ADAMTSL3: variants seen among roughly 807,000 people sequenced by gnomAD.
ADAMTSL3 encodes ADAMTS like 3.
In ADAMTSL3, 128 loss-of-function variants were observed where a neutral mutation model predicts 201.7. The observed-to-expected ratio is 0.63, with a 90% CI of 0.55 to 0.73. The LOEUF (loss-of-function observed/expected upper bound fraction) is 0.73. Among genes scored for constraint, ADAMTSL3 ranks in the 30% least tolerant of loss-of-function variants. ADAMTSL3 has a pLI of 0.00. For missense variants in ADAMTSL3, 1,990 were observed against 2,119.6 expected (o/e 0.94, Z 1.20); for synonymous variants, 738 against 748.4 (o/e 0.99, Z 0.23).
intron 7 of ADAMTSL3, among the ~76,000 whole-genome samples, chr15:83,847,960 A>C (rs925470848): frequency 6.6e-6 from 1 of 151,316 alleles, no homozygotes; most frequent in African/African-American, 2.4e-5. Flanking sequence ...GCAATTTTCT[A>C]TAGGGTTCAA....
rs748275978 is a variant in ADAMTSL3 at position 83,923,952 on chromosome 15, C to A, written c.2036C>A (p.Thr679Lys). 5 of 1,614,168 alleles carry A rather than the reference C, an allele frequency of 3.1e-6. No homozygotes were observed. Among genetic ancestry groups the A allele is most frequent in the Non-Finnish European group, 4.2e-6 (5 of 1,179,998 alleles). Residue 679 changes from threonine to lysine, a missense_variant, in exon 17 of 30, where the codon ACA (threonine) becomes AAA (lysine). Thr to Lys is a moderately conservative substitution (Grantham distance 78, BLOSUM62 -1). Coordinates refer to ENST00000286744, the MANE Select transcript of ADAMTSL3 (RefSeq NM_207517.3). The stretch of plus-strand genomic sequence containing the variant: ...TGCTTACATATCCAGACCCAGCAGA[C>A]AGTCAATGACAGCTTGTGTGATATG... Reference protein sequence around the residue: ...AVCLHIQTQQTVNDSLCDMVH... With the variant: ...AVCLHIQTQQKVNDSLCDMVH...
At chr15:83,771,658 A>G (rs988596073) in intron 3 of ADAMTSL3, among the ~76,000 whole-genome samples, 1 of 152,218 alleles carries the variant, frequency 6.6e-6, no homozygotes, top group African/African-American at 2.4e-5. Context: ...CGTTGTGTGT[A>G]TACCACATGT....
chr15:83,773,294 G>A (rs2063014870), intron 3 of ADAMTSL3, among the ~76,000 whole-genome samples: 1 of 151,874 alleles, frequency 6.6e-6, no homozygotes, highest in Non-Finnish European at 1.5e-5. Context: ...TGTAATCCCA[G>A]CTACTCAGGA....
At chr15:83,678,780 A>AATATATATATATAATATATTATATTAAT (rs1410590624) in intron 2 of ADAMTSL3, among the ~76,000 whole-genome samples, 2 of 105,592 alleles carry the variant, frequency 1.9e-5, no homozygotes, top group East Asian at 5.2e-4. Flanking sequence ...ATATAACATT[A>AATATATATATATAATATATTATATTAAT]ATATATATGT....
chr15:83,765,454 A>G (rs1165484857), intron 3 of ADAMTSL3, among the ~76,000 whole-genome samples: 1 of 152,158 alleles, frequency 6.6e-6, no homozygotes, highest in South Asian at 2.1e-4. Context: ...AGCATTTCCA[A>G]TAAGTGACCT....
At chr15:83,877,205 C>T (rs1192419729) in intron 9 of ADAMTSL3, among the ~76,000 whole-genome samples, 1 of 152,186 alleles carries the variant, frequency 6.6e-6, no homozygotes, top group Non-Finnish European at 1.5e-5. Flanking sequence ...CTCCCAAAGT[C>T]CTGGGAATAC....
intron 25 of ADAMTSL3, among the ~76,000 whole-genome samples, chr15:84,020,645 T>C (rs1475340056): frequency 1.3e-5 from 2 of 152,220 alleles, no homozygotes; most frequent in Non-Finnish European, 2.9e-5. Context: ...TAATTACTTG[T>C]AATTATTACA....
At chr15:83,779,499 C>T (rs180958729) in intron 4 of ADAMTSL3, among the ~76,000 whole-genome samples, 124 of 152,024 alleles carry the variant, frequency 8.2e-4, no homozygotes, top group African/African-American at 2.9e-3. Context: ...GAGATCGAGA[C>T]CATCCTGGCT....
intron 19 of ADAMTSL3, among the ~76,000 whole-genome samples, chr15:83,946,257 G>A (rs1431958635): frequency 2.0e-5 from 3 of 152,174 alleles, no homozygotes; most frequent in Admixed American, 6.5e-5. Context: ...CTCCGTGTCC[G>A]CTCTCTCAGT....
At chr15:83,733,509 G>C (rs1181802770) in intron 3 of ADAMTSL3, among the ~76,000 whole-genome samples, 1 of 152,114 alleles carries the variant, frequency 6.6e-6, no homozygotes, top group Admixed American at 6.6e-5. Context: ...TGGCATTTTT[G>C]TGGGCTGTGT....
chr15:83,892,120 G>A (rs1445330779), intron 12 of ADAMTSL3, among the ~76,000 whole-genome samples: 1 of 152,098 alleles, frequency 6.6e-6, no homozygotes, highest in Non-Finnish European at 1.5e-5. Flanking sequence ...AGAGGCTGAA[G>A]CAGGAGAATA....
intron 5 of ADAMTSL3, among the ~76,000 whole-genome samples, chr15:83,808,105 C>T (rs2063630084): frequency 6.6e-6 from 1 of 152,172 alleles, no homozygotes; most frequent in East Asian, 1.9e-4. Flanking sequence ...ACCTCAAAAG[C>T]ACAGACAATA....
At chr15:83,910,635 C>T (rs1353277452) in intron 15 of ADAMTSL3, among the ~76,000 whole-genome samples, 2 of 131,162 alleles carry the variant, frequency 1.5e-5, no homozygotes, top group Non-Finnish European at 1.6e-5. Flanking sequence ...TTAGGTGAAC[C>T]TTTTTTTTTT....
chr15:83,912,503 A>G (rs1411793451), intron 15 of ADAMTSL3, among the ~76,000 whole-genome samples: 1 of 152,208 alleles, frequency 6.6e-6, no homozygotes, highest in Non-Finnish European at 1.5e-5. Flanking sequence ...AATAAGAATT[A>G]AATGCTTTGT....
intron 20 of ADAMTSL3, among the ~76,000 whole-genome samples, chr15:83,971,882 AT>A (rs1433814082): frequency 6.7e-6 from 1 of 148,518 alleles, no homozygotes; most frequent in Admixed American, 6.7e-5. Flanking sequence ...ACATATATAT[AT>A]ATATGTCTTT....
intron 15 of ADAMTSL3, among the ~76,000 whole-genome samples, chr15:83,904,573 T>G (rs898784063): frequency 2.0e-5 from 3 of 152,224 alleles, no homozygotes; most frequent in Admixed American, 6.5e-5. Context: ...CTTTTTTGCT[T>G]TTTTTAAAAT....
In ADAMTSL3 at chr15:84,014,684, T is replaced by C; in HGVS notation, c.4116T>C (p.Ala1372=). The change falls in exon 24 of 30, where the codon GCT becomes GCC. Residue 1372 remains alanine, a synonymous_variant. Coordinates refer to ENST00000286744, the MANE Select transcript of ADAMTSL3 (RefSeq NM_207517.3). The stretch of plus-strand genomic sequence containing the variant: ...CCTACGTCTGCATAGCCACCAATGC[T>C]CTTGGAAAGGCAGTGGCAACATCTG... ...EGTYVCIATN[A]LGKAVATSVL... 1 of 1,610,008 alleles carries C rather than the reference T, an allele frequency of 6.2e-7. No homozygotes were observed.
intron 6 of ADAMTSL3, 38 bp from the exon 7 acceptor site, chr15:83,838,051 G>A: frequency 6.3e-7 from 1 of 1,589,054 alleles, no homozygotes; most frequent in Admixed American, 1.9e-5. Flanking sequence ...CCCTCCCCTG[G>A]CTTTGGGCAC....
intron 2 of ADAMTSL3, among the ~76,000 whole-genome samples, chr15:83,697,529 A>T (rs2061702480): frequency 6.6e-6 from 1 of 152,196 alleles, no homozygotes; most frequent in South Asian, 2.1e-4. Context: ...CTTGGCTTTG[A>T]CTAATTTGCC....
Sources: gnomAD v4.1 joint callset for allele counts (sites outside exome capture counted in the v4.1 genomes callset) on GRCh38, gnomAD v4.1.1 for gene constraint, MANE v1.5 for transcripts, NCBI Gene and HGNC (gene_info 2026-07-23, HGNC 2026-07-21) for gene names.